Variants in GMDS observed in about 807,000 individuals in gnomAD.
GMDS encodes the protein GDP-mannose 4,6-dehydratase, also known as GDP-mannose 4,6 dehydratase.
Under a neutral mutation model 49.9 loss-of-function variants are expected in GMDS, and 20 were observed. The observed-to-expected ratio is 0.40, with a 90% CI of 0.28 to 0.58. The LOEUF is 0.58. Among genes scored for constraint, GMDS ranks in the 20% least tolerant of loss-of-function variants. The pLI is 0.42. For synonymous variants in GMDS, 177 were observed against 178.6 expected, an observed-to-expected ratio of 0.99 and a Z score of 0.07; for missense variants, 362 against 481.4, an observed-to-expected ratio of 0.75 and a Z score of 2.32.
At chr6:1,919,815 T>C (rs1761626488) in intron 7 of GMDS, among the ~76,000 whole-genome samples, 2 of 152,228 alleles carry the variant, frequency 1.3e-5, no homozygotes, top group Admixed American at 1.3e-4. Flanking sequence ...GCCCATTTCC[T>C]ACAGTATCCA....
At chr6:1,787,053 C>G (rs1216534657) in intron 7 of GMDS, among the ~76,000 whole-genome samples, 1 of 152,160 alleles carries the variant, frequency 6.6e-6, no homozygotes, top group Non-Finnish European at 1.5e-5. Flanking sequence ...TGTGTCAAAA[C>G]AAAACTAAAG....
At chr6:1,944,688 AAAAAAAT>A (rs1231449755) in intron 6 of GMDS, among the ~76,000 whole-genome samples, 4 of 137,930 alleles carry the variant, frequency 2.9e-5, no homozygotes, top group East Asian at 2.2e-4. Flanking sequence ...AAAAAAAAAA[AAAAAAAT>A]TTCACGTTCG....
intron 8 of GMDS, among the ~76,000 whole-genome samples, chr6:1,735,444 A>G (rs1177008501): frequency 6.6e-6 from 1 of 152,214 alleles, no homozygotes; most frequent in Non-Finnish European, 1.5e-5. Context: ...GTAGGCACCT[A>G]GCACAGACTA....
chr6:2,159,720 T>G (rs1019285281), intron 1 of GMDS, among the ~76,000 whole-genome samples: 2 of 151,718 alleles, frequency 1.3e-5, no homozygotes, highest in African/African-American at 4.8e-5. Flanking sequence ...GGTTTCACCA[T>G]GTTGGCCAAG....
chr6:1,881,259 G>A (rs543426716), intron 7 of GMDS, among the ~76,000 whole-genome samples: 1 of 152,262 alleles, frequency 6.6e-6, no homozygotes, highest in African/African-American at 2.4e-5. Flanking sequence ...TGTATACTGA[G>A]AACATGGGAG....
chr6:2,204,928 T>C (rs1779726026), intron 1 of GMDS, among the ~76,000 whole-genome samples: 1 of 152,228 alleles, frequency 6.6e-6, no homozygotes, highest in East Asian at 1.9e-4. Flanking sequence ...TGCTAAAATT[T>C]ATGAATACCA....
At chr6:2,115,293 A>G (rs77648321) in intron 4 of GMDS, among the ~76,000 whole-genome samples, 3,224 of 152,306 alleles carry the variant, frequency 0.021, 128 homozygotes, top group African/African-American at 0.071. Flanking sequence ...CTTTCTTCCA[A>G]TGATTTTTAC....
At chr6:2,056,673 T>TAG (rs1459475813) in intron 4 of GMDS, among the ~76,000 whole-genome samples, 1 of 152,168 alleles carries the variant, frequency 6.6e-6, no homozygotes. Context: ...GATTAGAATA[T>TAG]AGAGATATGC....
chr6:2,097,465 T>C (rs764702061), intron 4 of GMDS, among the ~76,000 whole-genome samples: 32 of 152,288 alleles, frequency 2.1e-4, no homozygotes, highest in Non-Finnish European at 3.5e-4. Context: ...GGGGTGAAAC[T>C]GAATGTAAAT....
chr6:1,884,722 C>A (rs1481081857), intron 7 of GMDS, among the ~76,000 whole-genome samples: 2 of 152,276 alleles, frequency 1.3e-5, no homozygotes, highest in East Asian at 3.9e-4. Context: ...AGGGGCAAAA[C>A]CCATGGGCAG....
chr6:1,942,965 A>T (rs1217833111), intron 6 of GMDS, among the ~76,000 whole-genome samples: 1 of 151,936 alleles, frequency 6.6e-6, no homozygotes, highest in Non-Finnish European at 1.5e-5. Context: ...CTTTGCCCTG[A>T]CTCTCTTCCT....
chr6:1,650,099 C>G (rs926416565), intron 9 of GMDS, among the ~76,000 whole-genome samples: 2 of 152,226 alleles, frequency 1.3e-5, no homozygotes, highest in Non-Finnish European at 2.9e-5. Flanking sequence ...CCGTAATCAT[C>G]TAGGTTCCCT....
At chr6:1,858,166 T>C (rs1031916878) in intron 7 of GMDS, among the ~76,000 whole-genome samples, 9 of 151,976 alleles carry the variant, frequency 5.9e-5, no homozygotes, top group Non-Finnish European at 2.9e-5. Flanking sequence ...ATAAAACATA[T>C]AAAACAGACA....
intron 7 of GMDS, among the ~76,000 whole-genome samples, chr6:1,792,998 T>A (rs571594092): frequency 2.7e-4 from 41 of 152,338 alleles, no homozygotes; most frequent in Admixed American, 9.2e-4. Context: ...ATATTTTCCA[T>A]CTCTCACTAT....
At chr6:2,028,652 C>CT (rs1768766440) in intron 4 of GMDS, among the ~76,000 whole-genome samples, 1 of 152,184 alleles carries the variant, frequency 6.6e-6, no homozygotes, top group African/African-American at 2.4e-5. Flanking sequence ...AGGAAATGGG[C>CT]TTGCAGGATG....
intron 9 of GMDS, among the ~76,000 whole-genome samples, chr6:1,700,197 T>C (rs1244261399): frequency 6.6e-6 from 1 of 152,358 alleles, no homozygotes; most frequent in East Asian, 1.9e-4. Flanking sequence ...TCATGCTTCT[T>C]CTAATTTATC....
At chr6:1,637,615 C>T (rs957356959) in intron 9 of GMDS, among the ~76,000 whole-genome samples, 10 of 152,204 alleles carry the variant, frequency 6.6e-5, no homozygotes, top group South Asian at 2.1e-4. Flanking sequence ...AAGCACGTTC[C>T]GCACCAGCAC....
At chr6:2,002,524 A>G (rs1766890305) in intron 4 of GMDS, among the ~76,000 whole-genome samples, 1 of 152,226 alleles carries the variant, frequency 6.6e-6, no homozygotes, top group Admixed American at 6.5e-5. Context: ...TCTGAAGTTG[A>G]GGAGTTCTTT....
intron 4 of GMDS, among the ~76,000 whole-genome samples, chr6:2,024,892 T>C (rs1768491218): frequency 6.6e-6 from 1 of 151,494 alleles, no homozygotes; most frequent in East Asian, 1.9e-4. Flanking sequence ...AAAATATTAG[T>C]AGAAAAAGAA....
Sources: gnomAD v4.1 joint callset for allele counts (sites outside exome capture counted in the v4.1 genomes callset) on GRCh38, gnomAD v4.1.1 for gene constraint, MANE v1.5 for transcripts, NCBI Gene and HGNC (gene_info 2026-07-23, HGNC 2026-07-21) for gene names.